Variants in CYP7B1 observed in about 807,000 individuals in gnomAD.
The protein encoded by CYP7B1 is cytochrome P450 family 7 subfamily B member 1.
CYP7B1 carries 29 observed loss-of-function variants against 42.7 expected under a neutral mutation model. That is an observed-to-expected ratio of 0.68 (90% CI 0.51 to 0.93). CYP7B1 has a LOEUF of 0.93. Ranked by LOEUF, CYP7B1 falls within the 40% of genes least tolerant of loss-of-function variation. CYP7B1 has a pLI of 0.00. For synonymous variants in CYP7B1, 235 were observed against 218.2 expected (o/e 1.08, Z -0.68); for missense variants, 655 against 600.5 (o/e 1.09, Z -0.95).
At chr8:64,715,364 G>C (rs1428834315) in intron 1 of CYP7B1, among the ~76,000 whole-genome samples, 1 of 152,152 alleles carries the variant, frequency 6.6e-6, no homozygotes, top group African/African-American at 2.4e-5. Context: ...GCTTAGAAGG[G>C]AAAGGGACAT....
At chr8:64,671,556 A>T (rs1806368261) in intron 1 of CYP7B1, among the ~76,000 whole-genome samples, 1 of 152,090 alleles carries the variant, frequency 6.6e-6, no homozygotes, top group Non-Finnish European at 1.5e-5. Flanking sequence ...TTAAAAGCAA[A>T]ACCAAGTTTT....
At chr8:64,654,495 C>A (rs1806090849) in intron 1 of CYP7B1, among the ~76,000 whole-genome samples, 1 of 152,082 alleles carries the variant, frequency 6.6e-6, no homozygotes, top group Admixed American at 6.6e-5. Flanking sequence ...ATGAGAATTA[C>A]AAAACACTGC....
Position 64,595,658 on chromosome 8 carries a change from A to G in CYP7B1, c.*984T>C, listed in dbSNP as rs1176985318. Reference sequence around the variant, plus strand: ...CTTTGAATTATTGACACAATGCTGCATGTGTCATATGAAATTACACTGCAT... The same window carrying G: ...CTTTGAATTATTGACACAATGCTGCGTGTGTCATATGAAATTACACTGCAT... On this transcript the variant is annotated 3_prime_UTR_variant, in exon 6 of 6. Transcript: ENST00000310193. 2.0e-5 allele frequency among the ~76,000 whole-genome samples: 3 copies of G among 152,242 alleles called. No individual in the cohort carries two copies. The highest frequency in any genetic ancestry group is 1.5e-5 in the Non-Finnish European group (1 of 68,038).
At chr8:64,614,312 C>T (rs900655192) in intron 4 of CYP7B1, among the ~76,000 whole-genome samples, 2 of 152,100 alleles carry the variant, frequency 1.3e-5, no homozygotes, top group Non-Finnish European at 2.9e-5. Flanking sequence ...AAACCTTAGT[C>T]ACTACCAACC....
intron 1 of CYP7B1, among the ~76,000 whole-genome samples, chr8:64,659,985 A>G (rs1397538838): frequency 6.6e-6 from 1 of 152,252 alleles, no homozygotes; most frequent in Non-Finnish European, 1.5e-5. Context: ...GGCAAAGTCA[A>G]TATTAAAAAA....
At chr8:64,732,221 G>A (rs1585883068) in intron 1 of CYP7B1, among the ~76,000 whole-genome samples, 1 of 152,320 alleles carries the variant, frequency 6.6e-6, no homozygotes, top group Middle Eastern at 3.4e-3. Flanking sequence ...GAAAGCAGCT[G>A]GGAGGGGAGC....
chr8:64,612,315 A>T (rs1018518766), intron 4 of CYP7B1, among the ~76,000 whole-genome samples: 4 of 152,098 alleles, frequency 2.6e-5, no homozygotes, highest in Admixed American at 2.6e-4. Context: ...CTGAAACCTT[A>T]TATCTACTTA....
intron 1 of CYP7B1, among the ~76,000 whole-genome samples, chr8:64,721,696 AT>A (rs1365910562): frequency 1.3e-5 from 2 of 152,206 alleles, no homozygotes; most frequent in African/African-American, 4.8e-5. Context: ...TATATACAAA[AT>A]AATACTTTGT....
chr8:64,671,195 C>T (rs927891767), intron 1 of CYP7B1, among the ~76,000 whole-genome samples: 15 of 151,760 alleles, frequency 9.9e-5, no homozygotes, highest in African/African-American at 3.6e-4. Flanking sequence ...CATGTATACA[C>T]AAAATAAATG....
intron 1 of CYP7B1, among the ~76,000 whole-genome samples, chr8:64,724,245 T>G (rs1317899441): frequency 1.3e-5 from 2 of 152,018 alleles, no homozygotes; most frequent in African/African-American, 4.8e-5. Flanking sequence ...GTTCAAGAGA[T>G]TCTCCTAACT....
intron 1 of CYP7B1, among the ~76,000 whole-genome samples, chr8:64,686,315 C>A (rs867250402): frequency 2.7e-5 from 1 of 36,516 alleles, no homozygotes; most frequent in Non-Finnish European, 6.0e-5. Flanking sequence ...CCGCCCCGTC[C>A]GGGAGGTGAG....
chr8:64,796,034 T>A (rs1804698118), intron 1 of CYP7B1, among the ~76,000 whole-genome samples: 1 of 152,244 alleles, frequency 6.6e-6, no homozygotes, highest in Admixed American at 6.5e-5. Context: ...ATTCCTATAC[T>A]ATGCAATATT....
intron 1 of CYP7B1, among the ~76,000 whole-genome samples, chr8:64,778,772 T>G (rs192875710): frequency 1.3e-5 from 2 of 152,220 alleles, no homozygotes; most frequent in Non-Finnish European, 2.9e-5. Context: ...ACTACCCTTA[T>G]GTCACAAGGC....
At chr8:64,792,714 G>A (rs1804638511) in intron 1 of CYP7B1, among the ~76,000 whole-genome samples, 1 of 152,164 alleles carries the variant, frequency 6.6e-6, no homozygotes, top group Non-Finnish European at 1.5e-5. Flanking sequence ...TTACCCCCAA[G>A]ATGGATCATA....
At chr8:64,605,823 G>C (rs1585801358) in intron 4 of CYP7B1, among the ~76,000 whole-genome samples, 1 of 152,012 alleles carries the variant, frequency 6.6e-6, no homozygotes, top group South Asian at 2.1e-4. Flanking sequence ...ACAAATGGTC[G>C]TGTTTATGAC....
intron 1 of CYP7B1, among the ~76,000 whole-genome samples, chr8:64,679,238 C>T (rs1806498980): frequency 6.6e-6 from 1 of 152,124 alleles, no homozygotes. Context: ...TGACCAAATA[C>T]AGTCTCTACT....
intron 1 of CYP7B1, among the ~76,000 whole-genome samples, chr8:64,778,560 A>G (rs939288149): frequency 3.9e-5 from 6 of 152,114 alleles, no homozygotes; most frequent in Non-Finnish European, 7.4e-5. Flanking sequence ...GCGATGACAC[A>G]TGCAACAGCT....
At chr8:64,653,383 C>G (rs112140277) in intron 1 of CYP7B1, among the ~76,000 whole-genome samples, 1 of 152,128 alleles carries the variant, frequency 6.6e-6, no homozygotes, top group African/African-American at 2.4e-5. Context: ...TCTAGGCACA[C>G]AAACTAGAAA....
At chr8:64,646,534 T>A (rs143854272) in intron 1 of CYP7B1, among the ~76,000 whole-genome samples, 1 of 152,240 alleles carries the variant, frequency 6.6e-6, no homozygotes, top group Non-Finnish European at 1.5e-5. Context: ...GAAGAGAATC[T>A]GTCCTTTGAA....
Sources: gnomAD v4.1 joint callset for allele counts (sites outside exome capture counted in the v4.1 genomes callset) on GRCh38, gnomAD v4.1.1 for gene constraint, MANE v1.5 for transcripts, NCBI Gene and HGNC (gene_info 2026-07-23, HGNC 2026-07-21) for gene names.